CDK13: variants seen among roughly 807,000 people sequenced by gnomAD.
CDK13 encodes cyclin dependent kinase 13.
A neutral mutation model predicts 137.6 loss-of-function variants in CDK13; 40 were observed. The ratio of observed to expected loss-of-function variants is 0.29; its 90% confidence interval spans 0.23 to 0.38. The LOEUF is 0.38. CDK13 is among the 10% of genes least tolerant of loss of function. CDK13 has a pLI of 1.00. For synonymous variants in CDK13, 869 were observed against 760.1 expected (o/e 1.14, Z -2.36); for missense variants, 1,704 against 1,951.8 (o/e 0.87, Z 2.39).
At chr7:40,042,894 C>G (rs1785644623) in intron 5 of CDK13, among the ~76,000 whole-genome samples, 1 of 151,978 alleles carries the variant, frequency 6.6e-6, no homozygotes, top group South Asian at 2.1e-4. Context: ...CCTCCTGCCT[C>G]AGCCCCCCAA....
chr7:39,953,466 T>G (rs895128701), intron 1 of CDK13, among the ~76,000 whole-genome samples: 1 of 152,220 alleles, frequency 6.6e-6, no homozygotes. Context: ...TATCAGGTTT[T>G]TTAGTTGCTG....
At chr7:39,999,918 C>T (rs116303987) in intron 4 of CDK13, among the ~76,000 whole-genome samples, 68 of 152,180 alleles carry the variant, frequency 4.5e-4, no homozygotes, top group African/African-American at 1.6e-3. Context: ...TCCTTGGAGG[C>T]CAGTTTTAGC....
intron 5 of CDK13, among the ~76,000 whole-genome samples, chr7:40,014,368 G>C (rs1276713561): frequency 6.7e-6 from 1 of 150,018 alleles, no homozygotes; most frequent in Non-Finnish European, 1.5e-5. Flanking sequence ...CCCCCAGCCT[G>C]TCTTGTCTTT....
intron 9 of CDK13, among the ~76,000 whole-genome samples, chr7:40,063,308 C>T (rs1445475334): frequency 6.6e-6 from 1 of 151,982 alleles, no homozygotes. Flanking sequence ...TGGGTGGGTG[C>T]ATGTGTATGT....
chr7:40,062,687 G>A (rs1786181632), intron 7 of CDK13, 139 bp from the exon 8 acceptor site: 2 of 690,380 alleles, frequency 2.9e-6, no homozygotes, highest in Non-Finnish European at 2.6e-6. Flanking sequence ...ACCTTTGGAT[G>A]TCTGTATTTT....
chr7:39,968,247 T>C (rs1783915638), intron 1 of CDK13, among the ~76,000 whole-genome samples: 1 of 152,212 alleles, frequency 6.6e-6, no homozygotes, highest in Non-Finnish European at 1.5e-5. Context: ...TCCATCCCTT[T>C]GTTTATTTTT....
chr7:40,068,894 TTATA>T (rs1203523521), intron 9 of CDK13, among the ~76,000 whole-genome samples: 1 of 151,988 alleles, frequency 6.6e-6, no homozygotes, highest in Admixed American at 6.6e-5. Flanking sequence ...ATTTTCTAGT[TTATA>T]TATTTCAGCA....
At chr7:39,997,840 A>T in intron 3 of CDK13, 176 bp downstream of exon 3, 2 of 538,068 alleles carry the variant, frequency 3.7e-6, no homozygotes, top group African/African-American at 4.0e-5. Context: ...ATTCCTATTC[A>T]CAATGACTAA....
At chr7:39,975,550 C>A (rs1038173909) in intron 1 of CDK13, among the ~76,000 whole-genome samples, 2 of 152,130 alleles carry the variant, frequency 1.3e-5, no homozygotes, top group African/African-American at 4.8e-5. Context: ...GTAATGATTG[C>A]CACATTGGTT....
intron 1 of CDK13, among the ~76,000 whole-genome samples, chr7:39,953,954 T>G (rs1583899203): frequency 6.6e-6 from 1 of 152,202 alleles, no homozygotes; most frequent in East Asian, 1.9e-4. Flanking sequence ...TCTGGATTAT[T>G]TCAAGGATTA....
chr7:39,971,919 G>A (rs1266856270), intron 1 of CDK13, among the ~76,000 whole-genome samples: 1 of 152,004 alleles, frequency 6.6e-6, no homozygotes, highest in Non-Finnish European at 1.5e-5. Context: ...AAAAGGTCCA[G>A]CCCCACACGG....
chr7:40,089,394 T>A (rs934021610), intron 12 of CDK13, among the ~76,000 whole-genome samples: 1 of 149,628 alleles, frequency 6.7e-6, no homozygotes, highest in South Asian at 2.1e-4. Context: ...GAGCCAAGAT[T>A]GAACCACTGC....
At chr7:40,046,165 A>G (rs139282590) in intron 6 of CDK13, 140 bp downstream of exon 6, 26 of 555,518 alleles carry the variant, frequency 4.7e-5, no homozygotes, top group East Asian at 2.1e-4. Flanking sequence ...ACAGTGTCCA[A>G]CGTTTGGGTG....
intron 9 of CDK13, chr7:40,069,323 G>T (rs945687680): frequency 1.1e-5 from 5 of 455,880 alleles, no homozygotes; most frequent in Non-Finnish European, 2.2e-5. Flanking sequence ...TGAAGAAAAT[G>T]AAGTTTCTGA....
chr7:39,989,102 AAAAAAAAAAG>A (rs1157090307), intron 2 of CDK13, among the ~76,000 whole-genome samples: 9 of 147,322 alleles, frequency 6.1e-5, no homozygotes, highest in African/African-American at 1.8e-4. Context: ...AAAAAAAAAA[AAAAAAAAAAG>A]AGAAAATTCA....
chr7:39,991,300 G>T (rs909138224), intron 2 of CDK13, among the ~76,000 whole-genome samples: 4 of 152,150 alleles, frequency 2.6e-5, no homozygotes, highest in Non-Finnish European at 4.4e-5. Context: ...AATATGGGAG[G>T]TATCTTTATT....
chr7:40,019,087 A>G (rs1785061691), intron 5 of CDK13, among the ~76,000 whole-genome samples: 1 of 152,196 alleles, frequency 6.6e-6, no homozygotes, highest in African/African-American at 2.4e-5. Context: ...AAGGAAGGTT[A>G]TTCATACTGT....
chr7:40,000,119 T>C (rs1307869004), intron 4 of CDK13, among the ~76,000 whole-genome samples: 1 of 130,276 alleles, frequency 7.7e-6, no homozygotes, highest in East Asian at 1.9e-4. Context: ...CTCATGCCTA[T>C]AATCCTAGCA....
At chr7:39,952,824 C>T (rs1787276750) in intron 1 of CDK13, 1 of 115,706 alleles carries the variant, frequency 8.6e-6, no homozygotes, top group East Asian at 3.3e-4. Context: ...CTGTAGCTTT[C>T]TTGCCTTTTT....
Sources: allele counts gnomAD v4.1 joint callset (sites outside exome capture counted in the v4.1 genomes callset), GRCh38; gene constraint gnomAD v4.1.1; transcripts MANE v1.5; gene names NCBI Gene and HGNC (gene_info 2026-07-23, HGNC 2026-07-21).